ACER3: variants seen among roughly 807,000 people sequenced by gnomAD.
ACER3 encodes the protein alkaline ceramidase 3, also known as alkCDase 3.
A neutral mutation model predicts 48.9 loss-of-function variants in ACER3; 16 were observed. That is an observed-to-expected ratio of 0.33 (90% CI 0.22 to 0.50). The LOEUF is 0.50. ACER3 is among the 20% of genes least tolerant of loss of function. The pLI is 0.98. For missense variants in ACER3, 227 were observed against 326.0 expected (o/e 0.70, Z 2.34); for synonymous variants, 109 against 107.8 (o/e 1.01, Z -0.07).
At chr11:76,929,850 G>A (rs1417546311) in intron 2 of ACER3, among the ~76,000 whole-genome samples, 3 of 152,200 alleles carry the variant, frequency 2.0e-5, no homozygotes, top group Non-Finnish European at 4.4e-5. Flanking sequence ...GCTTTTTGAT[G>A]TGCTGCTGGA....
At chr11:76,984,878 T>A (rs1251216658) in intron 4 of ACER3, among the ~76,000 whole-genome samples, 1 of 152,148 alleles carries the variant, frequency 6.6e-6, no homozygotes, top group African/African-American at 2.4e-5. Context: ...ACATCCTTAT[T>A]TATTGTAAGG....
intron 1 of ACER3, among the ~76,000 whole-genome samples, chr11:76,902,153 G>A (rs1466870544): frequency 6.6e-6 from 1 of 151,894 alleles, no homozygotes; most frequent in African/African-American, 2.4e-5. Flanking sequence ...CTTGTCTTCT[G>A]CCTTTTGGTC....
rs138167270 is a variant in ACER3, at chr11:76,871,521, A to G, written c.103+10442A>G. Among the ~76,000 whole-genome samples the G allele has an allele frequency of 3.4e-3, 516 of 152,338 alleles. 3 individuals are homozygous for G. Among genetic ancestry groups the G allele is most frequent in the African/African-American group, 0.012 (480 of 41,574 alleles). On this transcript the variant is annotated intron_variant, in intron 1 of 10. Coordinates refer to ENST00000532485, the MANE Select transcript of ACER3 (RefSeq NM_018367.7). ...GGATTTAAAGATTTTCTGATTGGCA[A>G]TTGGTTGAAAGAGTTAAGTTATTAT...
chr11:77,001,295 T>A (rs1949026590), intron 7 of ACER3, among the ~76,000 whole-genome samples: 1 of 152,114 alleles, frequency 6.6e-6, no homozygotes, highest in Non-Finnish European at 1.5e-5. Flanking sequence ...TCGCACTGTC[T>A]CCCGGGCTGG....
chr11:76,867,468 C>CAAAA (rs1156610809), intron 1 of ACER3, among the ~76,000 whole-genome samples: 424 of 19,108 alleles, frequency 0.022, 58 homozygotes, highest in African/African-American at 0.054. Flanking sequence ...GACTCTGTCT[C>CAAAA]AAAAAAAAAA....
chr11:76,894,289 A>C (rs1945877851), intron 1 of ACER3, among the ~76,000 whole-genome samples: 1 of 152,196 alleles, frequency 6.6e-6, no homozygotes, highest in African/African-American at 2.4e-5. Context: ...AAAAACAAAC[A>C]AATACAAAAC....
chr11:77,005,991 A>ATATATTT (rs1388727709), intron 7 of ACER3, among the ~76,000 whole-genome samples: 2 of 100,876 alleles, frequency 2.0e-5, no homozygotes, highest in African/African-American at 7.9e-5. Flanking sequence ...ATATATATAT[A>ATATATTT]TTTTTTTTTT....
At chr11:76,958,152 A>T (rs962223677) in intron 2 of ACER3, among the ~76,000 whole-genome samples, 5 of 146,000 alleles carry the variant, frequency 3.4e-5, no homozygotes, top group Non-Finnish European at 7.5e-5. Context: ...ATATCCAACC[A>T]CACCTAATTC....
chr11:76,911,220 A>G (rs1217012041), intron 1 of ACER3, among the ~76,000 whole-genome samples: 1 of 152,142 alleles, frequency 6.6e-6, no homozygotes, highest in African/African-American at 2.4e-5. Flanking sequence ...TTTATTAATT[A>G]TATGCTAAAC....
At chr11:76,942,100 A>G (rs1947355775) in intron 2 of ACER3, among the ~76,000 whole-genome samples, 2 of 152,076 alleles carry the variant, frequency 1.3e-5, no homozygotes. Flanking sequence ...ATATAAGATT[A>G]TATAGTCAGC....
At chr11:76,957,449 T>C in intron 2 of ACER3, 1 of 452,552 alleles carries the variant, frequency 2.2e-6, no homozygotes, top group Non-Finnish European at 4.4e-6. Context: ...TGTGTGTGTG[T>C]TTTTTCATTT....
intron 9 of ACER3, among the ~76,000 whole-genome samples, chr11:77,017,280 A>C (rs372695717): frequency 2.6e-5 from 4 of 152,192 alleles, no homozygotes; most frequent in African/African-American, 9.6e-5. Context: ...CAAATACATA[A>C]AATCAGAAAT....
chr11:76,995,845 C>G (rs570018859), intron 6 of ACER3, among the ~76,000 whole-genome samples: 2 of 152,140 alleles, frequency 1.3e-5, no homozygotes, highest in South Asian at 4.1e-4. Flanking sequence ...TCCATCATTT[C>G]GTATGCTCAA....
chr11:76,939,378 T>C (rs535194983), intron 2 of ACER3, among the ~76,000 whole-genome samples: 1 of 152,306 alleles, frequency 6.6e-6, no homozygotes, highest in African/African-American at 2.4e-5. Context: ...GTTAACCGCA[T>C]TAATAATGGT....
intron 1 of ACER3, among the ~76,000 whole-genome samples, chr11:76,915,365 A>G (rs995223010): frequency 6.6e-6 from 1 of 151,798 alleles, no homozygotes; most frequent in Non-Finnish European, 1.5e-5. Context: ...GGAATTGAGC[A>G]CGCGCAGTGT....
In ACER3 at chr11:77,022,261, A is replaced by G. The variant is rs1555024638; in HGVS notation, c.*1934A>G. ...AGGATTAAAGTCAGATTAAGGGTAC[A>G]GAAAGCACACCTTGATACTGAGGCC... On this transcript the variant is annotated 3_prime_UTR_variant, in exon 11 of 11. Coordinates refer to ENST00000532485, the MANE Select transcript of ACER3 (RefSeq NM_018367.7). 6.6e-6 allele frequency: 1 copy of G among 152,244 alleles called. No individual in the cohort carries two copies. The highest frequency in any genetic ancestry group is 1.5e-5 in the Non-Finnish European group (1 of 68,050). 9.4% of individuals were successfully genotyped at this position (152,244 alleles called of 1,614,324 possible). A position where few individuals can be genotyped will look rare whatever the true frequency, so the allele number is the denominator to read the frequency against.
At chr11:76,908,844 G>A (rs1395773534) in intron 1 of ACER3, among the ~76,000 whole-genome samples, 3 of 152,092 alleles carry the variant, frequency 2.0e-5, no homozygotes. Context: ...CAAAGCTGGA[G>A]GCATCATTCT....
intron 1 of ACER3, among the ~76,000 whole-genome samples, chr11:76,871,387 G>C (rs1384183576): frequency 6.6e-6 from 1 of 152,144 alleles, no homozygotes; most frequent in Admixed American, 6.5e-5. Flanking sequence ...TATGTTTTAG[G>C]GAGACATTAG....
chr11:77,019,236 G>T (rs1442100710), intron 9 of ACER3, among the ~76,000 whole-genome samples: 1 of 152,216 alleles, frequency 6.6e-6, no homozygotes, highest in African/African-American at 2.4e-5. Flanking sequence ...CGAGGCGGGT[G>T]GATCACAAGG....
Sources: gnomAD v4.1 joint callset for allele counts (sites outside exome capture counted in the v4.1 genomes callset) on GRCh38, gnomAD v4.1.1 for gene constraint, MANE v1.5 for transcripts, NCBI Gene and HGNC (gene_info 2026-07-23, HGNC 2026-07-21) for gene names.